The following ATAD2B variants were observed in gnomAD, a reference collection of about 807,000 sequenced individuals.
ATAD2B encodes ATPase family AAA domain containing 2B.
In ATAD2B, 40 loss-of-function variants were observed where a neutral mutation model predicts 167.6. The observed-to-expected ratio is 0.24, with a 90% CI of 0.19 to 0.31. The LOEUF is 0.31. Ranked by LOEUF, ATAD2B falls within the 10% of genes least tolerant of loss-of-function variation. ATAD2B has a pLI of 1.00. For synonymous variants in ATAD2B, 579 were observed against 596.5 expected (o/e 0.97, Z 0.43); for missense variants, 1,242 against 1,757.2 (o/e 0.71, Z 5.24).
At chr2:23,702,168 T>C in the ATAD2B span, among the ~76,000 whole-genome samples, 1 of 152,182 alleles carries the variant, frequency 6.6e-6, no homozygotes, top group Admixed American at 6.5e-5. Flanking sequence ...CATTCCATAC[T>C]ATGGGAGCAC....
rs1452466578 is a variant in ATAD2B, at chr2:23,751,833, A to T, written c.*213T>A. 1 of 539,800 alleles carries T rather than the reference A, an allele frequency of 1.9e-6. No individual in the cohort carries two copies. Among genetic ancestry groups the T allele is most frequent in the Non-Finnish European group, 3.3e-6 (1 of 302,070 alleles). 33.4% of individuals were successfully genotyped at this position (539,800 alleles called of 1,614,324 possible). ...TGTATTTTTTATTTGTGGAAAATAC[A>T]ACATGTTTCTGAAGTTCTGTTTGGT... On this transcript the variant is annotated 3_prime_UTR_variant, in exon 28 of 28. Transcript: ENST00000238789.
chr2:23,729,393 C>T, the ATAD2B span, among the ~76,000 whole-genome samples: 1 of 152,112 alleles, frequency 6.6e-6, no homozygotes, highest in Admixed American at 6.5e-5. Flanking sequence ...GAAGGGGACT[C>T]GGCTTGTCTG....
At chr2:23,835,745 G>T (rs1689829285) in intron 13 of ATAD2B, among the ~76,000 whole-genome samples, 1 of 152,136 alleles carries the variant, frequency 6.6e-6, no homozygotes, top group Non-Finnish European at 1.5e-5. Flanking sequence ...AGACCAGCCT[G>T]GCCAACATGG....
chr2:23,696,576 ACT>A, the ATAD2B span: 1 of 1,312,162 alleles, frequency 7.6e-7, no homozygotes, highest in Non-Finnish European at 1.0e-6. This position sits in a 1 kb window ranked among gnomAD's most constrained non-coding sequence, Gnocchi z 5.5. Flanking sequence ...AAATCACGTC[ACT>A]CACTGTACCT....
the ATAD2B span, among the ~76,000 whole-genome samples, chr2:23,738,071 G>A: frequency 6.6e-6 from 1 of 152,214 alleles, no homozygotes; most frequent in Non-Finnish European, 1.5e-5. Flanking sequence ...ATCTACATCT[G>A]ATTGGTGTAC....
At chr2:23,809,557 A>C (rs1460148252) in intron 18 of ATAD2B, among the ~76,000 whole-genome samples, 2 of 152,156 alleles carry the variant, frequency 1.3e-5, no homozygotes, top group African/African-American at 4.8e-5. Context: ...CAGTTATTTA[A>C]CTCTAAAAGT....
At chr2:23,696,772 T>G in the ATAD2B span, 1 of 385,782 alleles carries the variant, frequency 2.6e-6, no homozygotes, top group Non-Finnish European at 4.6e-6. The surrounding 1 kb of genome is among the most constrained non-coding windows in gnomAD (Gnocchi z 5.5). Context: ...GACAACCCAT[T>G]TAGGTGTCAG....
Position 23,869,767 on chromosome 2 carries a change from T to A in ATAD2B, c.978-6A>T. On this transcript the variant is annotated splice_region_variant and splice_polypyrimidine_tract_variant and intron_variant, in intron 8 of 27. Transcript: ENST00000238789. ...GAATGGCATGCTTCTTTCTCCTATT[T>A]AAAGAGAGTAAAATCCTTAAAACCA... is the stretch of plus-strand genomic sequence containing the variant. 6.5e-7 allele frequency: 1 copy of A among 1,538,400 alleles called. No individual in the cohort carries two copies. The highest frequency in any genetic ancestry group is 8.8e-7 in the Non-Finnish European group (1 of 1,134,430).
chr2:23,801,231 A>G (rs993044733), intron 18 of ATAD2B, among the ~76,000 whole-genome samples: 4 of 143,822 alleles, frequency 2.8e-5, no homozygotes, highest in Admixed American at 1.0e-4. Flanking sequence ...AAGCAACAGG[A>G]AAAAAAAAAG....
chr2:23,803,989 TA>T (rs1683925603), intron 18 of ATAD2B, among the ~76,000 whole-genome samples: 1 of 152,192 alleles, frequency 6.6e-6, no homozygotes, highest in African/African-American at 2.4e-5. Flanking sequence ...TTTAGAGAGA[TA>T]CCTCTGAGTA....
intron 1 of ATAD2B, among the ~76,000 whole-genome samples, chr2:23,910,482 T>C (rs1262490841): frequency 1.3e-5 from 2 of 151,410 alleles, no homozygotes; most frequent in South Asian, 2.1e-4. Flanking sequence ...CCGGCCTGCA[T>C]ACTCTTTTAT....
chr2:23,823,373 C>A lies in ATAD2B; in HGVS notation c.2016G>T (p.Gly672=), dbSNP rs745561563. Reference sequence around the variant, plus strand: ...GTCTTATGATGGGGGATAGTGCATGCCCTGAAGACATCACAGCACGTTGGG... The same window carrying A: ...GTCTTATGATGGGGGATAGTGCATGACCTGAAGACATCACAGCACGTTGGG... ...PASQRAVMSS[G]HALSPIIRPL... is the part of the protein sequence containing the mutation. Residue 672 remains glycine (G), a synonymous_variant, in exon 16 of 28, where the codon GGG becomes GGT. Coordinates refer to ENST00000238789, the MANE Select transcript of ATAD2B (RefSeq NM_017552.4). 178 of 1,613,782 alleles carry A rather than the reference C, an allele frequency of 1.1e-4. No individual in the cohort carries two copies. Among genetic ancestry groups the A allele is most frequent in the Non-Finnish European group, 1.5e-4 (173 of 1,179,872 alleles).
the ATAD2B span, chr2:23,693,443 A>G: frequency 6.4e-7 from 1 of 1,551,706 alleles, no homozygotes; most frequent in Non-Finnish European, 8.7e-7. Context: ...TACGTCTCCA[A>G]CGACAGCCTC....
intron 1 of ATAD2B, among the ~76,000 whole-genome samples, chr2:23,903,237 A>AAAATAAATAAAT (rs3029919): frequency 0.15 from 21,560 of 145,398 alleles, 1,726 homozygotes; most frequent in South Asian, 0.2. Flanking sequence ...CTGTGTCTCA[A>AAAATAAATAAAT]AAATAAATAA....
chr2:23,703,499 G>C, the ATAD2B span: 1 of 1,087,574 alleles, frequency 9.2e-7, no homozygotes, highest in South Asian at 1.7e-5. Flanking sequence ...CCCAGATCTA[G>C]AGGGTGGCAG....
intron 1 of ATAD2B, among the ~76,000 whole-genome samples, chr2:23,912,613 A>G (rs1344576776): frequency 1.3e-5 from 2 of 152,180 alleles, no homozygotes; most frequent in Non-Finnish European, 2.9e-5. Context: ...ATTAAAATCT[A>G]TTCTAAAATA....
the ATAD2B span, among the ~76,000 whole-genome samples, chr2:23,680,425 G>A: frequency 1.6e-4 from 25 of 152,342 alleles, 1 homozygote; most frequent in African/African-American, 3.6e-4. The surrounding 1 kb of genome is among the most constrained non-coding windows in gnomAD (Gnocchi z 4.1). Context: ...AGCCACTTCC[G>A]TGAGCAAGGC....
intron 8 of ATAD2B, chr2:23,872,914 C>T (rs1056951527): frequency 1.3e-5 from 10 of 771,488 alleles, no homozygotes; most frequent in Middle Eastern, 3.5e-4. Context: ...CTCCTTATGG[C>T]CCGCCGGGCT....
chr2:23,840,300 A>G (rs1370991930), intron 13 of ATAD2B, among the ~76,000 whole-genome samples: 1 of 152,226 alleles, frequency 6.6e-6, no homozygotes, highest in Non-Finnish European at 1.5e-5. Flanking sequence ...TAAAAAAACC[A>G]AAACATTACA....
Sources: allele counts gnomAD v4.1 joint callset (sites outside exome capture counted in the v4.1 genomes callset), GRCh38; gene constraint gnomAD v4.1.1; non-coding constraint Gnocchi (gnomAD v3.1); transcripts MANE v1.5; gene names NCBI Gene and HGNC (gene_info 2026-07-23, HGNC 2026-07-21).